KMT2E: variants seen among roughly 807,000 people sequenced by gnomAD.
The protein encoded by KMT2E is histone reader KMT2E.
In KMT2E, 30 loss-of-function variants were observed where a neutral mutation model predicts 184.6. The observed-to-expected ratio is 0.16, with a 90% confidence interval of 0.12 to 0.22. The LOEUF is 0.22. Ranked by LOEUF, KMT2E falls within the 10% of genes least tolerant of loss-of-function variation. The pLI is 1.00. For missense variants in KMT2E, 2,023 were observed against 2,237.4 expected, an observed-to-expected ratio of 0.90 and a Z score of 1.93; for synonymous variants, 815 against 776.5, an observed-to-expected ratio of 1.05 and a Z score of -0.82.
intron 1 of KMT2E, among the ~76,000 whole-genome samples, chr7:105,027,745 A>G (rs1366492544): frequency 6.6e-6 from 1 of 152,172 alleles, no homozygotes; most frequent in African/African-American, 2.4e-5. Flanking sequence ...AAGTCTTGGA[A>G]TTAAAAGACA....
intron 5 of KMT2E, 61 bp from the exon 6 acceptor site, chr7:105,066,666 A>G: frequency 7.6e-7 from 1 of 1,317,896 alleles, no homozygotes. Context: ...ATGGAATATC[A>G]AATCTTAATT....
intron 1 of KMT2E, among the ~76,000 whole-genome samples, chr7:105,030,320 G>A (rs930331579): frequency 1.3e-5 from 2 of 152,138 alleles, no homozygotes; most frequent in African/African-American, 4.8e-5. Flanking sequence ...AAGGCTTCAA[G>A]GAAGCATTGG....
intron 15 of KMT2E, among the ~76,000 whole-genome samples, chr7:105,097,479 G>A (rs904666591): frequency 6.6e-6 from 1 of 151,920 alleles, no homozygotes; most frequent in African/African-American, 2.4e-5. Flanking sequence ...TCTGCCTCCC[G>A]GGTTCAAGTG....
intron 15 of KMT2E, among the ~76,000 whole-genome samples, chr7:105,100,522 G>A (rs1036988582): frequency 6.6e-6 from 1 of 152,102 alleles, no homozygotes; most frequent in African/African-American, 2.4e-5. Context: ...GTGGTTCCTG[G>A]TTCTGGTTTA....
chr7:105,063,301 C>A, intron 4 of KMT2E, 50 bp from the exon 5 acceptor site: 1 of 1,301,844 alleles, frequency 7.7e-7, no homozygotes, highest in Non-Finnish European at 1.1e-6. Flanking sequence ...TGGTTTATAT[C>A]ATTGTTGAAA....
intron 1 of KMT2E, among the ~76,000 whole-genome samples, chr7:105,031,084 C>T (rs1331055782): frequency 6.6e-6 from 1 of 152,030 alleles, no homozygotes; most frequent in Non-Finnish European, 1.5e-5. Context: ...AGGCTGGGCA[C>T]GGTGGCTCAT....
At position 105,101,386 on chromosome 7, in the gene KMT2E, T is replaced by A. The variant is rs58469240; in HGVS notation, c.1723-39T>A. Reference sequence around the variant, plus strand: ...TTGGACTTAATTTTACTTTTGAGCATTGATATTTATGATGTCACTTAAAAT... The same window carrying A: ...TTGGACTTAATTTTACTTTTGAGCAATGATATTTATGATGTCACTTAAAAT... On this transcript the variant is annotated intron_variant, in intron 15 of 26. Transcript: ENST00000311117. The A allele has an allele frequency of 3.1e-3, 4,281 of 1,374,872 alleles. 110 individuals carry two copies. In the East Asian group the frequency reaches 0.061, roughly 20 times the overall value. The allele number at this position is 1,374,872 out of a possible 1,614,324, so 85.2% of individuals were successfully genotyped here.
At chr7:105,098,237 T>A (rs1283045624) in intron 15 of KMT2E, among the ~76,000 whole-genome samples, 1 of 84,420 alleles carries the variant, frequency 1.2e-5, no homozygotes, top group East Asian at 1.0e-3. Context: ...TTTTCCTATT[T>A]TTTTTTTTTT....
chr7:105,095,077 T>G (rs1798350949), intron 15 of KMT2E, among the ~76,000 whole-genome samples: 2 of 152,200 alleles, frequency 1.3e-5, no homozygotes, highest in African/African-American at 4.8e-5. Context: ...CCAGGGTATT[T>G]ATGTATTTTG....
intron 3 of KMT2E, among the ~76,000 whole-genome samples, chr7:105,042,737 AAT>A (rs1283846386): frequency 2.0e-5 from 3 of 152,196 alleles, no homozygotes; most frequent in Non-Finnish European, 4.4e-5. Flanking sequence ...TTTATTTTTA[AAT>A]TTCTTACGTA....
intron 3 of KMT2E, among the ~76,000 whole-genome samples, chr7:105,054,062 A>C (rs1796458216): frequency 6.6e-6 from 1 of 151,980 alleles, no homozygotes; most frequent in Admixed American, 6.6e-5. Context: ...AATCCCGGCT[A>C]CTACGAGGCT....
chr7:105,110,201 G>A (rs1799149581), intron 23 of KMT2E, 79 bp from the exon 24 acceptor site: 1 of 1,113,448 alleles, frequency 9.0e-7, no homozygotes, highest in Non-Finnish European at 1.4e-6. Flanking sequence ...TGGTCTGACA[G>A]TACATGTTGA....
rs1392564173 is a variant in KMT2E at position 105,112,937 on chromosome 7, G to C, written c.5181G>C (p.Leu1727Phe). The C allele has an allele frequency of 6.2e-6, 10 of 1,612,742 alleles. No individual in the cohort carries two copies. The highest frequency in any genetic ancestry group is 8.5e-6 in the Non-Finnish European group (10 of 1,179,718). Reference sequence around the variant, plus strand: ...CTCCGCCGCCACCTTCCAGTGTTTTGGCTTCTGGGCATCATACCACATCAG... The same window carrying C: ...CTCCGCCGCCACCTTCCAGTGTTTTCGCTTCTGGGCATCATACCACATCAG... The part of the protein sequence containing the change: ...PPPPPPPSSV[L>F]ASGHHTTSAQ... Residue 1727 changes from leucine to phenylalanine, a missense_variant, in exon 27 of 27, where the codon TTG becomes TTC. This residue lies in a region of KMT2E where 1,108 missense variants were observed against 1,050.9 expected (regional missense o/e 1.05). Coordinates refer to ENST00000311117, the MANE Select transcript of KMT2E (RefSeq NM_182931.3).
intron 1 of KMT2E, among the ~76,000 whole-genome samples, chr7:105,034,676 A>G (rs974109415): frequency 1.3e-5 from 2 of 152,132 alleles, no homozygotes; most frequent in Non-Finnish European, 2.9e-5. Flanking sequence ...CAGTTAAGGT[A>G]TAGAACAATT....
At position 105,078,806 on chromosome 7, in the gene KMT2E, C is replaced by A. The variant is rs750107849; in HGVS notation, c.1131-40C>A. 5 of 1,188,740 alleles carry A rather than the reference C, an allele frequency of 4.2e-6. No individual in the cohort carries two copies. The South Asian group carries it at 6.1e-5, about 15-fold the overall frequency. 73.6% of individuals were successfully genotyped at this position (1,188,740 alleles called of 1,614,324 possible). A position where few individuals can be genotyped will look rare whatever the true frequency, so the allele number is the denominator to read the frequency against. ...TACAGGTGTGAACCAGCATGCCCGG[C>A]CTAAAATGTTAATAGCTTATAATGT... is the stretch of plus-strand genomic sequence containing the variant. On this transcript the variant is annotated intron_variant, in intron 11 of 26. Coordinates refer to ENST00000311117, the MANE Select transcript of KMT2E (RefSeq NM_182931.3).
At chr7:105,058,250 AT>A (rs2129566799) in intron 3 of KMT2E, among the ~76,000 whole-genome samples, 1 of 152,060 alleles carries the variant, frequency 6.6e-6, no homozygotes, top group South Asian at 2.1e-4. Context: ...TCTTTTCAGT[AT>A]GATATTTTAT....
In KMT2E at chr7:105,105,710, A is replaced by C. The variant is rs1265787850; in HGVS notation, c.2451+17A>C. 6.3e-7 allele frequency: 1 copy of C among 1,589,788 alleles called. No individual in the cohort carries two copies. The highest frequency in any genetic ancestry group is 1.4e-5 in the African/African-American group (1 of 73,462). On this transcript the variant is annotated intron_variant, in intron 18 of 26. Transcript: ENST00000311117. ...TGCAAGAAGGTAAACTTTTCTTTGGAAGTAAAAATGTAGAATGAGCCAAAT... is the reference window on the plus strand; with the variant it reads ...TGCAAGAAGGTAAACTTTTCTTTGGCAGTAAAAATGTAGAATGAGCCAAAT...
At chr7:105,076,271 T>G (rs554141922) in intron 9 of KMT2E, among the ~76,000 whole-genome samples, 190 bp downstream of exon 9, 1 of 152,334 alleles carries the variant, frequency 6.6e-6, no homozygotes, top group African/African-American at 2.4e-5. Flanking sequence ...ACTGTTAAAA[T>G]ATTAATCAAA....
At chr7:105,043,186 G>A (rs923894901) in intron 3 of KMT2E, among the ~76,000 whole-genome samples, 4 of 151,012 alleles carry the variant, frequency 2.6e-5, no homozygotes, top group Non-Finnish European at 4.4e-5. Context: ...TTAATGATTG[G>A]CATTTTTCCC....
Sources: allele counts gnomAD v4.1 joint callset (sites outside exome capture counted in the v4.1 genomes callset), GRCh38; gene constraint gnomAD v4.1.1; regional missense constraint gnomAD v4.1.1; transcripts MANE v1.5; gene names NCBI Gene and HGNC (gene_info 2026-07-23, HGNC 2026-07-21).